The following LRP5 variants were observed in gnomAD, a reference collection of about 807,000 sequenced individuals.
LRP5 encodes low-density lipoprotein receptor-related protein 5.
In LRP5, 62 loss-of-function variants were observed where a neutral mutation model predicts 154.1. The observed-to-expected ratio is 0.40, with a 90% CI of 0.33 to 0.50. The LOEUF (loss-of-function observed/expected upper bound fraction) is 0.50, where lower values mean the gene tolerates loss of function less well. Among genes scored for constraint, LRP5 ranks in the 20% least tolerant of loss-of-function variants. LRP5 has a pLI of 0.55. For missense variants in LRP5, 1,915 were observed against 2,336.7 expected, an observed-to-expected ratio of 0.82 and a Z score of 3.72; for synonymous variants, 966 against 1,011.5, an observed-to-expected ratio of 0.96 and a Z score of 0.85.
rs1244706031 is a variant in LRP5, at chr11:68,416,535, C to T, written c.3027+8C>T. 1 of 1,613,756 alleles carries T rather than the reference C, an allele frequency of 6.2e-7. No individual in the cohort carries two copies. Reference sequence around the variant, plus strand: ...AAGGACGACGGGACCCAGGCAGGTGCCCTGTGGGAAGGGTGCGGGGTGTGC... The same window carrying T: ...AAGGACGACGGGACCCAGGCAGGTGTCCTGTGGGAAGGGTGCGGGGTGTGC... On this transcript the variant is annotated splice_region_variant and intron_variant, in intron 13 of 22. Transcript: ENST00000294304.
At chr11:68,372,350 AGGAGGTG>A (rs2098634550) in intron 5 of LRP5, among the ~76,000 whole-genome samples, 1 of 132,910 alleles carries the variant, frequency 7.5e-6, no homozygotes, top group Non-Finnish European at 1.5e-5. Flanking sequence ...GGTGGTGGTG[AGGAGGTG>A]CAGTGTCAGG....
At chr11:68,446,751 C>T (rs2098681637) in intron 22 of LRP5, among the ~76,000 whole-genome samples, 1 of 152,244 alleles carries the variant, frequency 6.6e-6, no homozygotes, top group African/African-American at 2.4e-5. Flanking sequence ...ATCAGCAGAA[C>T]TCCACGTTCT....
At chr11:68,333,719 G>A (rs540023597) in intron 1 of LRP5, among the ~76,000 whole-genome samples, 1 of 152,202 alleles carries the variant, frequency 6.6e-6, no homozygotes, top group East Asian at 1.9e-4. Context: ...TAAAGTATAT[G>A]GATTATATCT....
At chr11:68,311,724 G>A (rs1356005158), upstream of LRP5, among the ~76,000 whole-genome samples, 4 of 152,256 alleles carry the variant, frequency 2.6e-5, no homozygotes, top group Non-Finnish European at 5.9e-5. Flanking sequence ...CCTGCAAGGT[G>A]GCCATTGCTG....
chr11:68,363,944 G>A lies in LRP5; in HGVS notation c.883+1G>A, dbSNP rs2098629422. The A allele has an allele frequency of 6.2e-7, 1 of 1,606,536 alleles. No individual in the cohort carries two copies. The highest frequency in any genetic ancestry group is 8.5e-7 in the Non-Finnish European group (1 of 1,176,576). ...CTGAGCCAGGAGCGGCAGCCTTTCT[G>A]TGAGTGCCGGCTGGGGCGCGGGGGC... On this transcript the variant is annotated splice_donor_variant, in intron 4 of 22. Transcript: ENST00000294304. LOFTEE classifies it high-confidence loss of function.
At position 68,363,740 on chromosome 11, in the gene LRP5, A is replaced by C. The variant is rs777080664; in HGVS notation, c.687-7A>C. ...ATGGCTCCTCCACCCCGCTTCCCTG[A>C]CTGCAGGCAGAAGGTGGTGGAGGGC... On this transcript the variant is annotated splice_polypyrimidine_tract_variant and splice_region_variant and intron_variant, in intron 3 of 22. Transcript: ENST00000294304. The C allele has an allele frequency of 6.2e-7, 1 of 1,610,680 alleles. No homozygotes were observed. Among genetic ancestry groups the C allele is most frequent in the Admixed American group, 1.7e-5 (1 of 59,844 alleles).
At position 68,379,425 on chromosome 11, in the gene LRP5, G is replaced by C. The variant is rs543091441; in HGVS notation, c.1016-6891G>C. Reference sequence around the variant, plus strand: ...GGAAATGCTGGGGTCCGCGGTTCCCGGGCTGCTGACCAGGAAGCCTGCGGT... The same window carrying C: ...GGAAATGCTGGGGTCCGCGGTTCCCCGGCTGCTGACCAGGAAGCCTGCGGT... On this transcript the variant is annotated intron_variant, in intron 5 of 22. Transcript: ENST00000294304. 3.8e-4 allele frequency among the ~76,000 whole-genome samples: 58 copies of C among 152,232 alleles called. 1 individual carries two copies. Among genetic ancestry groups the C allele is most frequent in the African/African-American group, 1.3e-3 (55 of 41,552 alleles).
intron 8 of LRP5, chr11:68,404,291 G>A: frequency 1.9e-6 from 1 of 530,412 alleles, no homozygotes; most frequent in Non-Finnish European, 3.7e-6. Context: ...TCGCGGGCAG[G>A]GACTCTGTGT....
intron 1 of LRP5, among the ~76,000 whole-genome samples, chr11:68,326,526 C>T (rs950151131): frequency 4.6e-5 from 7 of 152,198 alleles, no homozygotes; most frequent in South Asian, 4.1e-4. Flanking sequence ...CTGGCCGTGA[C>T]GGTCAGTGCC....
intron 13 of LRP5, among the ~76,000 whole-genome samples, chr11:68,421,022 C>G (rs1302023030): frequency 6.6e-6 from 1 of 152,100 alleles, no homozygotes; most frequent in Admixed American, 6.6e-5. Flanking sequence ...GTCAGGAGAT[C>G]AAGACCATCC....
chr11:68,332,878 G>A (rs2098603693), intron 1 of LRP5, among the ~76,000 whole-genome samples: 1 of 152,120 alleles, frequency 6.6e-6, no homozygotes, highest in Non-Finnish European at 1.5e-5. Context: ...AGCTATTCCT[G>A]GGGTGCTTGA....
In LRP5 at chr11:68,387,411, G is replaced by A. The variant is rs189983674; in HGVS notation, c.1412+699G>A. ...ATTACAGGCATGAGCCACCACGCCC[G>A]GTCAGGCCAGGCCTCTTTTGAACAC... On this transcript the variant is annotated intron_variant, in intron 6 of 22. Coordinates refer to ENST00000294304, the MANE Select transcript of LRP5 (RefSeq NM_002335.4). Among the ~76,000 whole-genome samples, 3 of 152,276 alleles carry A rather than the reference G, an allele frequency of 2.0e-5. No homozygotes were observed. The East Asian group carries it at 5.8e-4, about 29-fold the overall frequency.
chr11:68,326,562 C>G (rs1216220829), intron 1 of LRP5, among the ~76,000 whole-genome samples: 1 of 152,242 alleles, frequency 6.6e-6, no homozygotes, highest in Admixed American at 6.5e-5. Context: ...CGACCAGGCC[C>G]TGTGCGCAGT....
chr11:68,439,830 G>T lies in LRP5; in HGVS notation c.4402G>T (p.Gly1468Cys). 6.2e-7 allele frequency: 1 copy of T among 1,611,434 alleles called. No homozygotes were observed. Among genetic ancestry groups the T allele is most frequent in the Admixed American group, 1.7e-5 (1 of 59,876 alleles). Residue 1468 changes from glycine to cysteine, a missense_variant, in exon 21 of 23, where the codon GGC becomes TGC. This residue lies in a region of LRP5 where 1,094 missense variants were observed against 1,210.1 expected (regional missense o/e 0.90). Coordinates refer to ENST00000294304, the MANE Select transcript of LRP5 (RefSeq NM_002335.4). Reference sequence around the variant, plus strand: ...CTCCGTGAGCCTGATGGGGGGCCGGGGCGGGGTGCCCCTCTACGACCGGAA... The same window carrying T: ...CTCCGTGAGCCTGATGGGGGGCCGGTGCGGGGTGCCCCTCTACGACCGGAA... ...MSSVSLMGGR[G>C]GVPLYDRNHV...
At chr11:68,341,998 C>T (rs1417150865) in intron 1 of LRP5, among the ~76,000 whole-genome samples, 4 of 151,934 alleles carry the variant, frequency 2.6e-5, no homozygotes, top group African/African-American at 9.7e-5. Context: ...GCCAGCCCCT[C>T]CTGGTGCCTG....
chr11:68,326,260 T>C (rs2098599595), intron 1 of LRP5, among the ~76,000 whole-genome samples: 1 of 152,174 alleles, frequency 6.6e-6, no homozygotes, highest in Non-Finnish European at 1.5e-5. Context: ...GGCTGAGGGC[T>C]GACTATCTAT....
At position 68,423,988 on chromosome 11, in the gene LRP5, C is replaced by G. The variant is rs2098667299; in HGVS notation, c.3236+291C>G. On this transcript the variant is annotated intron_variant, in intron 14 of 22. Coordinates refer to ENST00000294304, the MANE Select transcript of LRP5 (RefSeq NM_002335.4). This position sits in a 1 kb window ranked among gnomAD's most constrained non-coding sequence, Gnocchi z 4.7. ...TGTATCATCCTTGTTAAACTTGAAC[C>G]CTGTGCAGAAATCCCTTCCACGGCA... Among the ~76,000 whole-genome samples the G allele has an allele frequency of 6.6e-6, 1 of 152,184 alleles. No individual in the cohort carries two copies. Among genetic ancestry groups the G allele is most frequent in the Admixed American group, 6.5e-5 (1 of 15,278 alleles).
chr11:68,300,021 C>T, the LRP5 span, among the ~76,000 whole-genome samples: 1 of 148,898 alleles, frequency 6.7e-6, no homozygotes, highest in African/African-American at 2.4e-5. Context: ...CCTCAGCCTC[C>T]TAAGTAGCTA....
At chr11:68,438,226 G>T (rs1238676270) in intron 19 of LRP5, among the ~76,000 whole-genome samples, 1 of 152,180 alleles carries the variant, frequency 6.6e-6, no homozygotes, top group East Asian at 1.9e-4. Flanking sequence ...GACAGCGGCG[G>T]GGGTCAGAGG....
Sources: gnomAD v4.1 joint callset for allele counts (sites outside exome capture counted in the v4.1 genomes callset) on GRCh38, gnomAD v4.1.1 for gene constraint, gnomAD v4.1.1 regional missense constraint, Gnocchi (gnomAD v3.1) non-coding constraint, MANE v1.5 for transcripts, NCBI Gene and HGNC (gene_info 2026-07-23, HGNC 2026-07-21) for gene names.